Variants in SYNE2 observed in about 807,000 individuals in gnomAD.
The protein encoded by SYNE2 is nesprin-2.
A neutral mutation model predicts 856.3 loss-of-function variants in SYNE2; 431 were observed. The observed-to-expected ratio is 0.50, with a 90% CI of 0.47 to 0.55. The LOEUF (loss-of-function observed/expected upper bound fraction) is 0.55, where lower values mean the gene tolerates loss of function less well. SYNE2 is among the 20% of genes least tolerant of loss of function. SYNE2 has a pLI of 0.00. For missense variants in SYNE2, 8,129 were observed against 8,023.2 expected, an observed-to-expected ratio of 1.01 and a Z score of -0.50; for synonymous variants, 2,923 against 2,872.3, an observed-to-expected ratio of 1.02 and a Z score of -0.56.
chr14:63,927,923 A>G (rs533043666), intron 2 of SYNE2, among the ~76,000 whole-genome samples: 2 of 151,990 alleles, frequency 1.3e-5, no homozygotes, highest in South Asian at 4.2e-4. Context: ...GCCTTCTGCC[A>G]TGATTGTTAG....
At chr14:63,882,672 C>A (rs1231741113) in intron 1 of SYNE2, among the ~76,000 whole-genome samples, 1 of 152,124 alleles carries the variant, frequency 6.6e-6, no homozygotes, top group Non-Finnish European at 1.5e-5. Context: ...TGCCACTGCA[C>A]TCCAGTGTGT....
chr14:63,913,619 C>T (rs1165236906), intron 2 of SYNE2, among the ~76,000 whole-genome samples: 2 of 151,466 alleles, frequency 1.3e-5, no homozygotes, highest in Admixed American at 6.6e-5. Flanking sequence ...CCTGCCACCA[C>T]GTCTGGCTAA....
intron 1 of SYNE2, among the ~76,000 whole-genome samples, chr14:63,828,262 C>T (rs1328132496): frequency 6.6e-6 from 1 of 151,858 alleles, no homozygotes; most frequent in Admixed American, 6.6e-5. Context: ...AAAAATAATA[C>T]AAATTAAAAA....
At chr14:64,071,007 T>C in intron 52 of SYNE2, 97 bp downstream of exon 52, 2 of 1,297,852 alleles carry the variant, frequency 1.5e-6, no homozygotes, top group East Asian at 4.8e-5. Flanking sequence ...AATGATACAA[T>C]AGAATTGAGG....
rs200925507 is a variant in SYNE2 at position 64,104,311 on chromosome 14, TTC to T, written c.12492+2271_12492+2272del. 7.1e-4 allele frequency among the ~76,000 whole-genome samples: 108 copies of T among 152,196 alleles called. 2 individuals carry two copies. The East Asian group carries it at 0.02, about 28-fold the overall frequency. ...CTTTAACTGCGGTGTTCCTTTAACT[TTC>T]TTAATTCTGTTCTTCCCTGTCCCTT... On this transcript the variant is annotated intron_variant, in intron 64 of 115. Coordinates refer to ENST00000555002, the MANE Select transcript of SYNE2 (RefSeq NM_182914.3).
At chr14:64,117,035 T>C (rs927753425) in intron 66 of SYNE2, among the ~76,000 whole-genome samples, 1 of 152,208 alleles carries the variant, frequency 6.6e-6, no homozygotes, top group Admixed American at 6.5e-5. Context: ...AGTAGAGTAG[T>C]CCCACCTTTG....
rs77784828 is a variant in SYNE2, at chr14:63,937,002, G to T, written c.80-3612G>T. ...AACCTTGATGAAGGAGGAAAATCAG[G>T]AGTCTGGTTCCTGGAAGCAGGAGAG... On this transcript the variant is annotated intron_variant, in intron 2 of 115. Transcript: ENST00000555002. Among the ~76,000 whole-genome samples the T allele has an allele frequency of 9.9e-3, 1,514 of 152,270 alleles. 29 individuals are homozygous for T. Among genetic ancestry groups the T allele is most frequent in the African/African-American group, 0.035 (1,441 of 41,546 alleles).
Position 64,202,933 on chromosome 14 carries a change from A to G in SYNE2, c.18171A>G (p.Gln6057=), listed in dbSNP as rs2098582193. The change falls in exon 100 of 116, where the codon CAA becomes CAG. Residue 6057 remains glutamine (Q), a synonymous_variant. Transcript: ENST00000555002. ...KPVVYDVCDD[Q]EIQKRLAEQQ... ...TTGTTTATGATGTCTGCGATGATCA[A>G]GAGATCCAGAAGAGGCTCGCTGAGC... is the stretch of plus-strand genomic sequence containing the variant. 1.9e-6 allele frequency: 3 copies of G among 1,614,088 alleles called. No individual in the cohort carries two copies. Among genetic ancestry groups the G allele is most frequent in the Admixed American group, 1.7e-5 (1 of 60,010 alleles).
In SYNE2 at chr14:64,130,122, C is replaced by T. The variant is rs775091761; in HGVS notation, c.14214C>T (p.Ser4738=). The T allele has an allele frequency of 6.2e-6, 10 of 1,614,022 alleles. No homozygotes were observed. Among genetic ancestry groups the T allele is most frequent in the Non-Finnish European group, 8.5e-6 (10 of 1,180,030 alleles). ...TCAGCAGCCCTTTCGTCACTGAGAGCCAGCAAGATGCTTTGTTGCAAGGCA... is the reference window on the plus strand; with the variant it reads ...TCAGCAGCCCTTTCGTCACTGAGAGTCAGCAAGATGCTTTGTTGCAAGGCA... ...TELSSPFVTE[S]QQDALLQGMV... is the part of the protein sequence containing the mutation. The change falls in exon 76 of 116, where the codon AGC becomes AGT. Residue 4738 remains serine, a synonymous_variant. Transcript: ENST00000555002.
Position 64,055,958 on chromosome 14 carries a change from T to C in SYNE2, c.9759T>C (p.Asp3253=). Reference sequence around the variant, plus strand: ...CTATTCACTAGAATGTCTTGAATGATGCTTATGAAAATCTAACACGCTATA... The same window carrying C: ...CTATTCACTAGAATGTCTTGAATGACGCTTATGAAAATCTAACACGCTATA... ...SIDLRTNVLN[D]AYENLTRYKE... is the part of the protein sequence containing the mutation. The change falls in exon 49 of 116, where the codon GAT becomes GAC. Residue 3253 remains aspartate, a synonymous_variant. Transcript: ENST00000555002. 6.2e-7 allele frequency: 1 copy of C among 1,613,824 alleles called. No individual in the cohort carries two copies. Among genetic ancestry groups the C allele is most frequent in the Non-Finnish European group, 8.5e-7 (1 of 1,179,748 alleles).
At chr14:63,921,266 G>A (rs1369002941) in intron 2 of SYNE2, among the ~76,000 whole-genome samples, 1 of 152,082 alleles carries the variant, frequency 6.6e-6, no homozygotes, top group Non-Finnish European at 1.5e-5. Context: ...GAAATGTTGA[G>A]TTCGAGATGT....
intron 2 of SYNE2, among the ~76,000 whole-genome samples, chr14:63,912,907 A>G (rs1013575908): frequency 2.0e-5 from 3 of 152,114 alleles, no homozygotes; most frequent in African/African-American, 7.2e-5. Flanking sequence ...CTTTGAGAAA[A>G]TATCTTTGTA....
intron 1 of SYNE2, among the ~76,000 whole-genome samples, chr14:63,906,567 A>G (rs1478986649): frequency 2.0e-5 from 3 of 152,124 alleles, no homozygotes; most frequent in Non-Finnish European, 2.9e-5. Context: ...GAATTTATCC[A>G]TTTCCTCTAG....
rs1483281621 is a variant in SYNE2, at chr14:64,070,783, CAACAGCTG to C, written c.10571_10578del (p.Gln3524LeufsTer17). On this transcript the variant is annotated frameshift_variant, in exon 52 of 116. Transcript: ENST00000555002. LOFTEE classifies it high-confidence loss of function. The stretch of plus-strand genomic sequence containing the variant: ...CCAATATGGAGAGAACGTGGAGAAG[CAACAGCTG>C]TTACTGACTCTACTTCTTCAGCGCA... 6.2e-7 allele frequency: 1 copy of C among 1,614,196 alleles called. No individual in the cohort carries two copies. The highest frequency in any genetic ancestry group is 1.1e-5 in the South Asian group (1 of 91,078).
chr14:64,188,105 G>T (rs2098500941), intron 97 of SYNE2, among the ~76,000 whole-genome samples: 1 of 152,112 alleles, frequency 6.6e-6, no homozygotes, highest in Admixed American at 6.5e-5. Context: ...TAGTTTTCCT[G>T]GTCCATTTGC....
intron 8 of SYNE2, chr14:63,960,868 G>A: frequency 1.6e-6 from 1 of 638,276 alleles, no homozygotes; most frequent in Non-Finnish European, 2.8e-6. Flanking sequence ...AACATAGAGA[G>A]ACCCTGTCTA....
In SYNE2 at chr14:64,029,827, T is replaced by C. The variant is rs532388408; in HGVS notation, c.6715-68T>C. The C allele has an allele frequency of 4.0e-3, 5,999 of 1,510,290 alleles. 21 individuals are homozygous for C. Among genetic ancestry groups the C allele is most frequent in the Non-Finnish European group, 5.1e-3 (5,636 of 1,101,846 alleles). The allele number at this position is 1,510,290 out of a possible 1,614,324, so 93.6% of individuals were successfully genotyped here. On this transcript the variant is annotated intron_variant, in intron 43 of 115. Coordinates refer to ENST00000555002, the MANE Select transcript of SYNE2 (RefSeq NM_182914.3). ...GGTAAACAAGTATTTATTAGTCATT[T>C]AATTATTTTGTGAGTGAAAACAATC...
intron 16 of SYNE2, among the ~76,000 whole-genome samples, chr14:63,982,325 G>A (rs565737271): frequency 9.9e-5 from 15 of 152,262 alleles, no homozygotes; most frequent in African/African-American, 3.4e-4. Flanking sequence ...GACCAGGAGT[G>A]ATGACAGACA....
rs759251788 is a variant in SYNE2 at position 64,031,175 on chromosome 14, G to T, written c.7039G>T (p.Ala2347Ser). 1.2e-5 allele frequency: 20 copies of T among 1,614,070 alleles called. No individual in the cohort carries two copies. The African/African-American group carries it at 2.7e-4, about 22-fold the overall frequency. Residue 2347 changes from alanine (A) to serine (S), a missense_variant, in exon 45 of 116, where the codon GCA becomes TCA. Physicochemically the swap from Ala to Ser is moderately conservative, Grantham distance 99 (BLOSUM62 1). Transcript: ENST00000555002. ...CKQKDLENRLASAKQEMECCL... is the reference protein window; with the variant it reads ...CKQKDLENRLSSAKQEMECCL... ...ACAAAAAGATTTGGAAAACAGGCTT[G>T]CATCTGCTAAGCAGGAGATGGAATG... is the stretch of plus-strand genomic sequence containing the variant.
Sources: allele counts gnomAD v4.1 joint callset (sites outside exome capture counted in the v4.1 genomes callset), GRCh38; gene constraint gnomAD v4.1.1; transcripts MANE v1.5; gene names NCBI Gene and HGNC (gene_info 2026-07-23, HGNC 2026-07-21).